The following ZNF532 variants were observed in gnomAD, a reference collection of about 807,000 sequenced individuals.
ZNF532 encodes the protein zinc finger protein 532.
In ZNF532, 22 loss-of-function variants were observed where a neutral mutation model predicts 89.3. The observed-to-expected ratio is 0.25, with a 90% CI of 0.18 to 0.35. The LOEUF is 0.35. Among genes scored for constraint, ZNF532 ranks in the 10% least tolerant of loss-of-function variants. ZNF532 has a pLI of 1.00. For synonymous variants in ZNF532, 606 were observed against 649.6 expected, an observed-to-expected ratio of 0.93 and a Z score of 1.02; for missense variants, 1,132 against 1,643.4, an observed-to-expected ratio of 0.69 and a Z score of 5.38.
chr18:58,904,426 A>ACATGTACACCTG (rs2059797120), intron 2 of ZNF532, among the ~76,000 whole-genome samples: 1 of 152,320 alleles, frequency 6.6e-6, no homozygotes, highest in Admixed American at 6.5e-5. Flanking sequence ...GATTAAAAAA[A>ACATGTACACCTG]GCTAAATGTA....
intron 2 of ZNF532, among the ~76,000 whole-genome samples, chr18:58,873,288 C>CTGAG (rs2057149164): frequency 6.6e-6 from 1 of 152,194 alleles, no homozygotes; most frequent in Non-Finnish European, 1.5e-5. Context: ...TCCCAAAGTG[C>CTGAG]TGAGATCAGA....
intron 2 of ZNF532, among the ~76,000 whole-genome samples, chr18:58,892,205 A>G (rs1241263304): frequency 1.3e-5 from 2 of 152,234 alleles, no homozygotes; most frequent in East Asian, 3.8e-4. Context: ...CTGTGTCTCA[A>G]AGGGTTTTTT....
At chr18:58,887,794 A>C (rs1258210306) in intron 2 of ZNF532, among the ~76,000 whole-genome samples, 1 of 152,116 alleles carries the variant, frequency 6.6e-6, no homozygotes, top group East Asian at 1.9e-4. Flanking sequence ...TGGAGACCAC[A>C]CCGAGTCGGG....
chr18:58,925,732 A>G (rs2061469921), intron 3 of ZNF532, among the ~76,000 whole-genome samples: 1 of 152,110 alleles, frequency 6.6e-6, no homozygotes, highest in Non-Finnish European at 1.5e-5. Context: ...ACGTTTTATA[A>G]TTCTGTGATT....
At chr18:58,878,017 G>A (rs1375462189) in intron 2 of ZNF532, among the ~76,000 whole-genome samples, 5 of 152,180 alleles carry the variant, frequency 3.3e-5, no homozygotes, top group Non-Finnish European at 7.3e-5. Flanking sequence ...CACTTTGGGA[G>A]GCTGAGGTGG....
At chr18:58,970,715 C>A (rs1473073238) in intron 7 of ZNF532, among the ~76,000 whole-genome samples, 2 of 152,192 alleles carry the variant, frequency 1.3e-5, no homozygotes, top group Non-Finnish European at 2.9e-5. Context: ...AGGGTATTGA[C>A]CCAAGAGTCC....
intron 5 of ZNF532, among the ~76,000 whole-genome samples, chr18:58,942,361 T>TCCCTC (rs1568383594): frequency 1.3e-4 from 7 of 55,808 alleles, no homozygotes; most frequent in African/African-American, 4.7e-4. Context: ...CTTCCTTCCT[T>TCCCTC]CCTTCCTTCC....
intron 7 of ZNF532, among the ~76,000 whole-genome samples, chr18:58,962,102 T>C (rs2065404270): frequency 6.6e-6 from 1 of 152,082 alleles, no homozygotes; most frequent in African/African-American, 2.4e-5. Flanking sequence ...GGCGGGCATC[T>C]GTAGTCCCAG....
intron 2 of ZNF532, among the ~76,000 whole-genome samples, chr18:58,875,669 C>A (rs1282047689): frequency 6.6e-6 from 1 of 152,124 alleles, no homozygotes; most frequent in Non-Finnish European, 1.5e-5. Flanking sequence ...TACTTACTGT[C>A]CCCTGTAAGG....
intron 3 of ZNF532, chr18:58,926,201 G>A (rs184154241): frequency 2.0e-5 from 3 of 152,092 alleles, no homozygotes; most frequent in Admixed American, 6.5e-5. Context: ...TATATTGAGC[G>A]TTTCAGTCCA....
At chr18:58,936,095 A>C (rs2062446071) in intron 4 of ZNF532, among the ~76,000 whole-genome samples, 1 of 152,226 alleles carries the variant, frequency 6.6e-6, no homozygotes, top group African/African-American at 2.4e-5. Flanking sequence ...GAAATCAAGA[A>C]ACCAGTTTTC....
chr18:58,883,828 A>AT (rs982216016), intron 2 of ZNF532, among the ~76,000 whole-genome samples: 5 of 152,072 alleles, frequency 3.3e-5, no homozygotes, highest in African/African-American at 1.2e-4. Flanking sequence ...GCTAAATATA[A>AT]TTGGTGATAG....
intron 2 of ZNF532, among the ~76,000 whole-genome samples, chr18:58,883,472 G>T (rs376018206): frequency 1.1e-4 from 17 of 152,292 alleles, no homozygotes; most frequent in African/African-American, 3.8e-4. Flanking sequence ...ATTAATGGGA[G>T]AGGGCCAGGG....
chr18:58,983,849 C>T lies in ZNF532; in HGVS notation c.3412-123C>T, dbSNP rs1350346921. 12 of 1,240,594 alleles carry T rather than the reference C, an allele frequency of 9.7e-6. No homozygotes were observed. In the Admixed American group the frequency reaches 2.9e-4, roughly 30 times the overall value. The allele number at this position is 1,240,594 out of a possible 1,614,324, so 76.8% of individuals were successfully genotyped here. On this transcript the variant is annotated intron_variant, in intron 9 of 9. Transcript: ENST00000591808. ...GGGGTGGCAGACACAGCTTTAAAGCCCCTAAATCCCAAAGCGTTCAGCACA... is the reference window on the plus strand; with the variant it reads ...GGGGTGGCAGACACAGCTTTAAAGCTCCTAAATCCCAAAGCGTTCAGCACA...
In ZNF532 at chr18:58,908,765, C is replaced by G. The variant is rs2060099026; in HGVS notation, c.-17-9506C>G. On this transcript the variant is annotated intron_variant, in intron 2 of 9. Transcript: ENST00000591808. ...CTGCAGTTAGATCAAAATTTGGTGACTACTGACATCCGTGTTTTTGGAGAT... is the reference window on the plus strand; with the variant it reads ...CTGCAGTTAGATCAAAATTTGGTGAGTACTGACATCCGTGTTTTTGGAGAT... Among the ~76,000 whole-genome samples, 4 of 152,296 alleles carry G rather than the reference C, an allele frequency of 2.6e-5. No individual in the cohort carries two copies. The South Asian group carries it at 8.3e-4, about 32-fold the overall frequency.
intron 2 of ZNF532, among the ~76,000 whole-genome samples, chr18:58,869,712 G>C (rs1393869225): frequency 1.3e-5 from 2 of 151,106 alleles, no homozygotes; most frequent in Non-Finnish European, 2.9e-5. Flanking sequence ...AGTGAAAGCA[G>C]TGAAGAGGGG....
intron 7 of ZNF532, among the ~76,000 whole-genome samples, chr18:58,973,176 C>T (rs772665708): frequency 6.6e-6 from 1 of 152,234 alleles, no homozygotes. Flanking sequence ...TATCTCTGCT[C>T]ACTGCAACTG....
intron 2 of ZNF532, among the ~76,000 whole-genome samples, chr18:58,917,142 C>G (rs1285721083): frequency 6.6e-6 from 1 of 152,152 alleles, no homozygotes; most frequent in African/African-American, 2.4e-5. Flanking sequence ...TCCCTCTTTC[C>G]TTTCCTTCTC....
intron 3 of ZNF532, among the ~76,000 whole-genome samples, chr18:58,927,916 TC>T (rs534698855): frequency 2.4e-3 from 367 of 152,344 alleles, no homozygotes; most frequent in Middle Eastern, 6.8e-3. Flanking sequence ...AGTGTAAACT[TC>T]CTTTCTTAGC....
Sources: gnomAD v4.1 joint callset for allele counts (sites outside exome capture counted in the v4.1 genomes callset) on GRCh38, gnomAD v4.1.1 for gene constraint, MANE v1.5 for transcripts, NCBI Gene and HGNC (gene_info 2026-07-23, HGNC 2026-07-21) for gene names.